DPP10: variants seen among roughly 807,000 people sequenced by gnomAD.
DPP10 encodes the protein dipeptidyl peptidase like 10, also known as inactive dipeptidyl peptidase 10.
Under a neutral mutation model 120.9 loss-of-function variants are expected in DPP10, and 33 were observed. The observed-to-expected ratio is 0.27, with a 90% CI of 0.21 to 0.37. The LOEUF (loss-of-function observed/expected upper bound fraction) is 0.37. Among genes scored for constraint, DPP10 ranks in the 10% least tolerant of loss-of-function variants. The probability of loss-of-function intolerance (pLI) is 1.00; values close to 1 mark genes in which losing one functional copy is unlikely to be tolerated. For missense variants in DPP10, 816 were observed against 942.8 expected (o/e 0.87, Z 1.76); for synonymous variants, 337 against 326.1 (o/e 1.03, Z -0.36).
chr2:115,581,365 C>CAGGT (rs1388838409), intron 5 of DPP10, among the ~76,000 whole-genome samples: 1 of 152,004 alleles, frequency 6.6e-6, no homozygotes, highest in Non-Finnish European at 1.5e-5. Flanking sequence ...ACAGTAAATC[C>CAGGT]AGGTTCATTA....
intron 1 of DPP10, among the ~76,000 whole-genome samples, chr2:114,590,209 G>A (rs1205701766): frequency 2.0e-5 from 3 of 152,034 alleles, no homozygotes; most frequent in African/African-American, 7.2e-5. Context: ...GCTCCTCAAA[G>A]TATGCTTTCA....
At chr2:115,568,424 A>C (rs2081143478) in intron 5 of DPP10, among the ~76,000 whole-genome samples, 1 of 152,142 alleles carries the variant, frequency 6.6e-6, no homozygotes, top group African/African-American at 2.4e-5. Context: ...CAGAGCTTGC[A>C]GTGAGCCAAG....
chr2:115,372,917 A>T (rs1478978908), intron 3 of DPP10, among the ~76,000 whole-genome samples: 1 of 152,240 alleles, frequency 6.6e-6, no homozygotes, highest in East Asian at 1.9e-4. Flanking sequence ...CAATCAAGAC[A>T]TAATATCTAC....
At chr2:114,801,746 G>T (rs1558755977) in intron 1 of DPP10, among the ~76,000 whole-genome samples, 1 of 152,194 alleles carries the variant, frequency 6.6e-6, no homozygotes, top group Non-Finnish European at 1.5e-5. Context: ...TGATAAGAAA[G>T]AATTTTAGAG....
At chr2:115,545,253 C>T (rs1327120828) in intron 5 of DPP10, among the ~76,000 whole-genome samples, 1 of 152,120 alleles carries the variant, frequency 6.6e-6, no homozygotes, top group Non-Finnish European at 1.5e-5. Flanking sequence ...AATTACCTTG[C>T]ATTTCTTTCA....
intron 1 of DPP10, among the ~76,000 whole-genome samples, chr2:115,152,951 G>T (rs1031127960): frequency 1.3e-5 from 2 of 152,130 alleles, no homozygotes; most frequent in Non-Finnish European, 2.9e-5. Flanking sequence ...GAACATGAAC[G>T]TATTTGTGTG....
intron 1 of DPP10, among the ~76,000 whole-genome samples, chr2:115,275,923 T>G (rs1022719008): frequency 1.3e-5 from 2 of 151,912 alleles, no homozygotes. Flanking sequence ...GGATGGTCTC[T>G]ATCTCCTGAC....
chr2:115,322,531 C>A lies in DPP10; in HGVS notation c.175+13178C>A, dbSNP rs186552595. ...TACAACTCTACCTTAATCTTTACTT[C>A]CTGCCTCTCTTATTGTGATAAACCT... On this transcript the variant is annotated intron_variant, in intron 2 of 25. Transcript: ENST00000410059. Among the ~76,000 whole-genome samples, 163 of 152,296 alleles carry A rather than the reference C, an allele frequency of 1.1e-3. 1 individual carries two copies. Among genetic ancestry groups the A allele is most frequent in the African/African-American group, 3.8e-3 (159 of 41,586 alleles).
At chr2:115,064,394 C>T (rs1559050742) in intron 1 of DPP10, among the ~76,000 whole-genome samples, 1 of 152,140 alleles carries the variant, frequency 6.6e-6, no homozygotes, top group Non-Finnish European at 1.5e-5. Flanking sequence ...CTGAGCATTA[C>T]AAGGTAAAGC....
intron 1 of DPP10, among the ~76,000 whole-genome samples, chr2:114,474,473 G>C (rs1680206050): frequency 6.6e-6 from 1 of 152,164 alleles, no homozygotes; most frequent in Admixed American, 6.5e-5. Flanking sequence ...CCAGTGTGGG[G>C]AACAAGGATA....
intron 1 of DPP10, among the ~76,000 whole-genome samples, chr2:114,747,942 T>C (rs2106019152): frequency 6.6e-6 from 1 of 152,346 alleles, no homozygotes; most frequent in Non-Finnish European, 1.5e-5. Flanking sequence ...TGCCAAGCTG[T>C]AAACTGTTGG....
chr2:115,172,349 A>C (rs1463466362), intron 1 of DPP10, among the ~76,000 whole-genome samples: 1 of 150,428 alleles, frequency 6.6e-6, no homozygotes, highest in East Asian at 2.0e-4. Flanking sequence ...GCGCCACTGC[A>C]CTCTAGCCTG....
chr2:114,786,458 GAA>G (rs1484697868), intron 1 of DPP10, among the ~76,000 whole-genome samples: 1 of 152,176 alleles, frequency 6.6e-6, no homozygotes, highest in African/African-American at 2.4e-5. Context: ...GAGGCATTTT[GAA>G]ATGGAGCCAT....
intron 1 of DPP10, among the ~76,000 whole-genome samples, chr2:114,856,483 T>C (rs1351467231): frequency 6.6e-6 from 1 of 152,172 alleles, no homozygotes; most frequent in African/African-American, 2.4e-5. Flanking sequence ...AGGACAATAC[T>C]AAAAATTAGA....
chr2:114,685,278 AAAC>A (rs1464524895), intron 1 of DPP10, among the ~76,000 whole-genome samples: 1 of 151,944 alleles, frequency 6.6e-6, no homozygotes. Flanking sequence ...AAACAACAAC[AAAC>A]AACAAGATTT....
intron 11 of DPP10, among the ~76,000 whole-genome samples, chr2:115,756,509 G>A (rs1575690846): frequency 1.3e-5 from 2 of 152,134 alleles, no homozygotes; most frequent in Middle Eastern, 6.9e-3. Flanking sequence ...CAAAGTGAAT[G>A]TATGAAGAGG....
chr2:115,200,658 T>C (rs1046228842), intron 1 of DPP10, among the ~76,000 whole-genome samples: 3 of 152,250 alleles, frequency 2.0e-5, no homozygotes, highest in Non-Finnish European at 4.4e-5. Context: ...CTCTTGTCAA[T>C]GCCTTTTGAT....
chr2:115,375,660 A>C (rs2065740572), intron 3 of DPP10, among the ~76,000 whole-genome samples: 1 of 152,200 alleles, frequency 6.6e-6, no homozygotes, highest in Admixed American at 6.5e-5. Flanking sequence ...TAATTTATGA[A>C]GAAAAGAGGT....
chr2:114,994,484 AG>A (rs1320361732), intron 1 of DPP10, among the ~76,000 whole-genome samples: 1 of 152,126 alleles, frequency 6.6e-6, no homozygotes, highest in South Asian at 2.1e-4. Flanking sequence ...CCTTTATGCA[AG>A]CATCCCCCTC....
Sources: allele counts gnomAD v4.1 joint callset (sites outside exome capture counted in the v4.1 genomes callset), GRCh38; gene constraint gnomAD v4.1.1; transcripts MANE v1.5; gene names NCBI Gene and HGNC (gene_info 2026-07-23, HGNC 2026-07-21).